Variants in GRB10 observed in about 807,000 individuals in gnomAD.
GRB10 encodes the protein growth factor receptor bound protein 10, also known as growth factor receptor-bound protein 10.
GRB10 carries 20 observed loss-of-function variants against 80.9 expected under a neutral mutation model. That is an observed-to-expected ratio of 0.25 (90% confidence interval 0.17 to 0.36). The LOEUF (loss-of-function observed/expected upper bound fraction) is 0.36, where lower values mean the gene tolerates loss of function less well. Among genes scored for constraint, GRB10 ranks in the 10% least tolerant of loss-of-function variants. The pLI is 1.00. For synonymous variants in GRB10, 291 were observed against 291.5 expected (o/e 1.00, Z 0.02); for missense variants, 548 against 747.7 (o/e 0.73, Z 3.12).
intron 18 of GRB10, among the ~76,000 whole-genome samples, chr7:50,594,264 G>A (rs184260453): frequency 6.6e-6 from 1 of 152,260 alleles, no homozygotes; most frequent in East Asian, 1.9e-4. Flanking sequence ...CACGAGTAAG[G>A]TGGGGATGTC....
chr7:50,759,142 G>A (rs1231327137), intron 2 of GRB10, among the ~76,000 whole-genome samples: 3 of 145,536 alleles, frequency 2.1e-5, no homozygotes, highest in East Asian at 2.0e-4. Context: ...GCAGTGAGCT[G>A]AGATCACACC....
intron 3 of GRB10, 26 bp from the exon 4 acceptor site, chr7:50,732,394 G>GAAAAAA: frequency 7.5e-7 from 1 of 1,330,100 alleles, no homozygotes; most frequent in Admixed American, 1.9e-5. Flanking sequence ...ACTGTGAGAA[G>GAAAAAA]CCAAGCCAGA....
chr7:50,675,220 G>C (rs1414012761), intron 5 of GRB10, among the ~76,000 whole-genome samples: 1 of 152,352 alleles, frequency 6.6e-6, no homozygotes, highest in East Asian at 1.9e-4. Context: ...TGAGGGCTTC[G>C]GGTGCCCACC....
intron 3 of GRB10, among the ~76,000 whole-genome samples, chr7:50,749,340 G>A (rs1297816663): frequency 6.6e-6 from 1 of 151,966 alleles, no homozygotes; most frequent in African/African-American, 2.4e-5. Flanking sequence ...TGTTGGCCAG[G>A]CTGATCTCGA....
chr7:50,628,079 G>T (rs980333478), intron 7 of GRB10, among the ~76,000 whole-genome samples: 1 of 152,150 alleles, frequency 6.6e-6, no homozygotes, highest in Non-Finnish European at 1.5e-5. Flanking sequence ...CACAACAACC[G>T]CAACAACACA....
chr7:50,625,498 C>T (rs1417108319), intron 8 of GRB10, among the ~76,000 whole-genome samples: 1 of 152,144 alleles, frequency 6.6e-6, no homozygotes, highest in Non-Finnish European at 1.5e-5. Context: ...GTGCTTTTGA[C>T]AGCCTTATCA....
chr7:50,595,212 A>G (rs973191461), intron 18 of GRB10, among the ~76,000 whole-genome samples: 1 of 152,206 alleles, frequency 6.6e-6, no homozygotes, highest in African/African-American at 2.4e-5. Flanking sequence ...TCACAGGCTC[A>G]AGGGGGGCCT....
chr7:50,775,161 C>CAAAAAAAAAAATAAA (rs2077462807), intron 2 of GRB10, among the ~76,000 whole-genome samples: 2 of 31,026 alleles, frequency 6.4e-5, no homozygotes, highest in Non-Finnish European at 1.3e-4. Context: ...ATCCTGTCTC[C>CAAAAAAAAAAATAAA]AAAAAAAAAA....
At chr7:50,692,687 A>G (rs1314832889) in intron 5 of GRB10, among the ~76,000 whole-genome samples, 1 of 152,160 alleles carries the variant, frequency 6.6e-6, no homozygotes, top group Non-Finnish European at 1.5e-5. Context: ...GTATAGTAGA[A>G]CCTTGTGGTA....
intron 2 of GRB10, among the ~76,000 whole-genome samples, chr7:50,757,698 A>G (rs541614683): frequency 1.3e-5 from 2 of 152,380 alleles, no homozygotes; most frequent in East Asian, 3.9e-4. Flanking sequence ...GTGCATGGGC[A>G]AACAAGTATG....
chr7:50,642,824 G>A (rs2056513708), intron 7 of GRB10, among the ~76,000 whole-genome samples: 1 of 152,096 alleles, frequency 6.6e-6, no homozygotes, highest in East Asian at 1.9e-4. Context: ...GTTCATTGTA[G>A]CAAATTTGGA....
chr7:50,773,951 G>A (rs753298943), intron 2 of GRB10, among the ~76,000 whole-genome samples: 7 of 152,136 alleles, frequency 4.6e-5, no homozygotes, highest in Non-Finnish European at 7.4e-5. Flanking sequence ...TCCGCCTCCC[G>A]GGTTCATGCC....
At position 50,707,927 on chromosome 7, in the gene GRB10, G is replaced by C. The variant is rs541218911; in HGVS notation, c.52-4019C>G. On this transcript the variant is annotated intron_variant, in intron 4 of 18. Transcript: ENST00000401949. ...TTAAGTGCCAACCAGGCTCCACTGA[G>C]ACATCTATTTAGAAGACAAGTAACT... Among the ~76,000 whole-genome samples the C allele has an allele frequency of 9.2e-5, 14 of 152,300 alleles. No individual in the cohort carries two copies. The South Asian group carries it at 2.5e-3, about 27-fold the overall frequency.
intron 3 of GRB10, among the ~76,000 whole-genome samples, chr7:50,753,664 A>G (rs2074538069): frequency 6.6e-6 from 1 of 152,172 alleles, no homozygotes; most frequent in Admixed American, 6.5e-5. Context: ...CACCAAATGG[A>G]GCCACCACAC....
intron 5 of GRB10, among the ~76,000 whole-genome samples, chr7:50,676,339 G>GC (rs796391381): frequency 1.2e-4 from 17 of 138,302 alleles, no homozygotes; most frequent in African/African-American, 4.7e-4. Context: ...CCCCACCGGG[G>GC]GGGGGGGGGG....
chr7:50,626,295 G>A (rs912035044), intron 8 of GRB10, among the ~76,000 whole-genome samples: 2 of 152,220 alleles, frequency 1.3e-5, no homozygotes, highest in Non-Finnish European at 2.9e-5. Flanking sequence ...AGGCAGAGAT[G>A]CCATGTAAGA....
chr7:50,694,833 T>C (rs1351104974), intron 5 of GRB10, among the ~76,000 whole-genome samples: 4 of 152,182 alleles, frequency 2.6e-5, no homozygotes, highest in African/African-American at 9.7e-5. Context: ...ATAACTACAT[T>C]ATAGGTACAT....
chr7:50,739,006 ATCT>A (rs2071280454), intron 3 of GRB10, among the ~76,000 whole-genome samples: 2 of 152,176 alleles, frequency 1.3e-5, no homozygotes, highest in African/African-American at 4.8e-5. Context: ...AATTTAAATA[ATCT>A]TCATGATAAA....
intron 7 of GRB10, among the ~76,000 whole-genome samples, chr7:50,649,978 G>A (rs997181123): frequency 3.9e-5 from 6 of 152,180 alleles, no homozygotes; most frequent in African/African-American, 1.4e-4. Flanking sequence ...TATAGATCTG[G>A]GTCATGAGCA....
Sources: gnomAD v4.1 joint callset for allele counts (sites outside exome capture counted in the v4.1 genomes callset) on GRCh38, gnomAD v4.1.1 for gene constraint, MANE v1.5 for transcripts, NCBI Gene and HGNC (gene_info 2026-07-23, HGNC 2026-07-21) for gene names.